MIPOL1: variants seen among roughly 807,000 people sequenced by gnomAD.
MIPOL1 encodes mirror-image polydactyly gene 1 protein.
Under a neutral mutation model 60.9 loss-of-function variants are expected in MIPOL1, and 57 were observed. The observed-to-expected ratio is 0.94, with a 90% CI of 0.76 to 1.17. The LOEUF is 1.17. MIPOL1 is among the 50% of genes most tolerant of loss of function. The pLI is 0.00. For missense variants in MIPOL1, 551 were observed against 511.6 expected (o/e 1.08, Z -0.74); for synonymous variants, 179 against 168.8 (o/e 1.06, Z -0.47).
intron 1 of MIPOL1, among the ~76,000 whole-genome samples, chr14:37,221,895 T>C (rs1353272485): frequency 2.0e-5 from 3 of 152,178 alleles, no homozygotes; most frequent in Non-Finnish European, 2.9e-5. Flanking sequence ...ACAAAACTCA[T>C]GTTCTTCTCA....
intron 7 of MIPOL1, among the ~76,000 whole-genome samples, chr14:37,306,195 A>G (rs2086774096): frequency 6.6e-6 from 1 of 151,864 alleles, no homozygotes; most frequent in Non-Finnish European, 1.5e-5. Context: ...TCCTCTCCTT[A>G]AAGTAATGCT....
intron 10 of MIPOL1, among the ~76,000 whole-genome samples, chr14:37,390,043 A>AAT (rs1258659405): frequency 6.6e-6 from 1 of 151,668 alleles, no homozygotes. Flanking sequence ...CTACTACAAA[A>AAT]ATATATATAT....
chr14:37,199,409 A>G lies in MIPOL1; in HGVS notation c.-199+1305A>G, dbSNP rs144332563. 1.9e-3 allele frequency among the ~76,000 whole-genome samples: 293 copies of G among 152,276 alleles called. 4 individuals carry two copies. The highest frequency in any genetic ancestry group is 6.8e-3 in the African/African-American group (283 of 41,562). Reference sequence around the variant, plus strand: ...TTTATTTGTGAGATTTATTCAAGTTATGTAGCAGTTTGTTATTCTCATGCT... The same window carrying G: ...TTTATTTGTGAGATTTATTCAAGTTGTGTAGCAGTTTGTTATTCTCATGCT... On this transcript the variant is annotated intron_variant, in intron 1 of 12. Transcript: ENST00000684589.
intron 10 of MIPOL1, among the ~76,000 whole-genome samples, chr14:37,420,838 G>A (rs1453191729): frequency 6.6e-6 from 1 of 152,120 alleles, no homozygotes; most frequent in Non-Finnish European, 1.5e-5. Flanking sequence ...GAAGTTCATT[G>A]TAGCCACAGA....
intron 7 of MIPOL1, among the ~76,000 whole-genome samples, chr14:37,288,904 T>A (rs1200769294): frequency 1.3e-5 from 2 of 152,182 alleles, no homozygotes; most frequent in Non-Finnish European, 2.9e-5. Context: ...AGGGCTTGCA[T>A]TCCTCAGATA....
intron 9 of MIPOL1, among the ~76,000 whole-genome samples, chr14:37,321,193 T>C (rs918690994): frequency 6.6e-6 from 1 of 152,012 alleles, no homozygotes; most frequent in Non-Finnish European, 1.5e-5. Flanking sequence ...TTCCAAATGA[T>C]TGATCTTTTC....
At chr14:37,266,063 G>GTTA (rs2082852723) in intron 3 of MIPOL1, among the ~76,000 whole-genome samples, 1 of 152,030 alleles carries the variant, frequency 6.6e-6, no homozygotes, top group Non-Finnish European at 1.5e-5. Flanking sequence ...ACTTCAAGGG[G>GTTA]TTATAATTAC....
intron 9 of MIPOL1, among the ~76,000 whole-genome samples, chr14:37,354,010 T>A (rs1391474256): frequency 6.6e-6 from 1 of 151,964 alleles, no homozygotes; most frequent in Non-Finnish European, 1.5e-5. Context: ...GGGTGTCAAT[T>A]TTGGATCTTT....
intron 1 of MIPOL1, among the ~76,000 whole-genome samples, chr14:37,217,720 G>C (rs1967990069): frequency 6.6e-6 from 1 of 152,126 alleles, no homozygotes; most frequent in Non-Finnish European, 1.5e-5. Context: ...CACAAAGCTG[G>C]ATATAGAAGG....
At chr14:37,360,134 A>G (rs987724539) in intron 9 of MIPOL1, among the ~76,000 whole-genome samples, 1 of 151,690 alleles carries the variant, frequency 6.6e-6, no homozygotes, top group Non-Finnish European at 1.5e-5. Context: ...ATTGATTTGC[A>G]TATGTTGAAC....
intron 1 of MIPOL1, among the ~76,000 whole-genome samples, chr14:37,205,792 A>G (rs901276176): frequency 2.0e-5 from 3 of 152,156 alleles, no homozygotes; most frequent in Non-Finnish European, 4.4e-5. Context: ...TGCAAAGGAC[A>G]TGATCTCATG....
intron 6 of MIPOL1, among the ~76,000 whole-genome samples, chr14:37,273,913 A>G (rs1257138634): frequency 1.3e-5 from 2 of 151,558 alleles, no homozygotes; most frequent in African/African-American, 4.8e-5. Context: ...ATATTATTTT[A>G]TTGCTTTTAC....
intron 6 of MIPOL1, among the ~76,000 whole-genome samples, chr14:37,274,564 T>A (rs972113964): frequency 6.6e-6 from 1 of 151,376 alleles, no homozygotes; most frequent in African/African-American, 2.4e-5. Flanking sequence ...AAGACAGATT[T>A]GGGATCTCAG....
intron 11 of MIPOL1, among the ~76,000 whole-genome samples, chr14:37,473,223 G>A (rs574712610): frequency 7.2e-4 from 110 of 152,086 alleles, no homozygotes; most frequent in Non-Finnish European, 1.1e-3. Flanking sequence ...CACACCTCCC[G>A]CCTCTTTCTC....
At chr14:37,539,150 CGA>C (rs1447404793) in intron 12 of MIPOL1, among the ~76,000 whole-genome samples, 1 of 151,676 alleles carries the variant, frequency 6.6e-6, no homozygotes, top group Non-Finnish European at 1.5e-5. Context: ...TGCAGTGAGC[CGA>C]GATCGTGCCA....
At chr14:37,281,460 A>C (rs1487630416) in intron 6 of MIPOL1, among the ~76,000 whole-genome samples, 2 of 152,122 alleles carry the variant, frequency 1.3e-5, no homozygotes, top group African/African-American at 4.8e-5. Flanking sequence ...GCTGGAATAC[A>C]GTGGCACGAT....
At position 37,344,094 on chromosome 14, in the gene MIPOL1, G is replaced by A. The variant is rs150715763; in HGVS notation, c.829-25423G>A. Among the ~76,000 whole-genome samples, 45 of 152,088 alleles carry A rather than the reference G, an allele frequency of 3.0e-4. No homozygotes were observed. The East Asian group carries it at 7.7e-3, about 26-fold the overall frequency. On this transcript the variant is annotated intron_variant, in intron 9 of 12. Transcript: ENST00000684589. Reference sequence around the variant, plus strand: ...GACTCTTGTTTAAAGCATAACTACAGTATCATTATCACACCAAAAGGAGTA... The same window carrying A: ...GACTCTTGTTTAAAGCATAACTACAATATCATTATCACACCAAAAGGAGTA...
intron 12 of MIPOL1, among the ~76,000 whole-genome samples, chr14:37,510,154 A>G (rs1429681829): frequency 6.6e-6 from 1 of 152,042 alleles, no homozygotes; most frequent in Non-Finnish European, 1.5e-5. Context: ...CACATCTATA[A>G]ACTACATGTA....
intron 3 of MIPOL1, among the ~76,000 whole-genome samples, chr14:37,261,507 A>G (rs2082518259): frequency 6.6e-6 from 1 of 152,090 alleles, no homozygotes; most frequent in South Asian, 2.1e-4. Context: ...AAACTAGAAT[A>G]ATAACTAGGA....
Sources: gnomAD v4.1 joint callset for allele counts (sites outside exome capture counted in the v4.1 genomes callset) on GRCh38, gnomAD v4.1.1 for gene constraint, MANE v1.5 for transcripts, NCBI Gene and HGNC (gene_info 2026-07-23, HGNC 2026-07-21) for gene names.